Variants in LRCH1 observed in about 807,000 individuals in gnomAD.
LRCH1 encodes the protein leucine rich repeats and calponin homology domain containing 1, also known as leucine-rich repeat and calponin homology domain-containing protein 1.
LRCH1 carries 23 observed loss-of-function variants against 94.9 expected under a neutral mutation model. The observed-to-expected ratio is 0.24, with a 90% CI of 0.17 to 0.34. The LOEUF is 0.34. Among genes scored for constraint, LRCH1 ranks in the 10% least tolerant of loss-of-function variants. The pLI is 1.00. For missense variants in LRCH1, 790 were observed against 945.9 expected (o/e 0.84, Z 2.16); for synonymous variants, 364 against 354.9 (o/e 1.03, Z -0.29).
chr13:46,651,873 G>GTTT (rs1170289609), intron 2 of LRCH1, among the ~76,000 whole-genome samples: 1 of 118,676 alleles, frequency 8.4e-6, no homozygotes, highest in Non-Finnish European at 1.8e-5. Flanking sequence ...CTGATGTTTT[G>GTTT]TTTTTTTTGT....
chr13:46,588,779 A>G (rs1172434974), intron 1 of LRCH1, among the ~76,000 whole-genome samples: 1 of 151,358 alleles, frequency 6.6e-6, no homozygotes, highest in Admixed American at 6.6e-5. Flanking sequence ...TTTTTTGTAT[A>G]TTTAGTAGAG....
chr13:46,735,390 T>G (rs73470779), intron 19 of LRCH1, among the ~76,000 whole-genome samples: 21,186 of 152,266 alleles, frequency 0.14, 1,602 homozygotes, highest in African/African-American at 0.2. Context: ...TATTTGTGTC[T>G]GTGCTAGAAA....
chr13:46,566,630 A>G (rs2050187720), intron 1 of LRCH1, among the ~76,000 whole-genome samples: 1 of 152,230 alleles, frequency 6.6e-6, no homozygotes, highest in Non-Finnish European at 1.5e-5. Flanking sequence ...ATTGGAGCCC[A>G]AACAGTTGTT....
At chr13:46,678,604 A>C (rs188969218) in intron 3 of LRCH1, among the ~76,000 whole-genome samples, 51 of 152,332 alleles carry the variant, frequency 3.3e-4, no homozygotes, top group African/African-American at 1.2e-3. Flanking sequence ...TTGTCTACAG[A>C]TATCCTGTCC....
intron 1 of LRCH1, among the ~76,000 whole-genome samples, chr13:46,568,232 C>A (rs1173817758): frequency 1.3e-5 from 2 of 152,186 alleles, no homozygotes; most frequent in African/African-American, 4.8e-5. Context: ...CATCCTAAAT[C>A]CAGGTTTACC....
chr13:46,608,493 T>G (rs540860175), intron 1 of LRCH1, among the ~76,000 whole-genome samples: 120 of 152,322 alleles, frequency 7.9e-4, no homozygotes, highest in African/African-American at 2.8e-3. Context: ...TAGAGTGTCA[T>G]ACAGTCTTTT....
chr13:46,625,455 T>C (rs1414888454), intron 1 of LRCH1, among the ~76,000 whole-genome samples: 1 of 152,132 alleles, frequency 6.6e-6, no homozygotes, highest in East Asian at 1.9e-4. Flanking sequence ...GATGTCTTTA[T>C]AAAAGAGACC....
chr13:46,677,575 G>A (rs1381538130), intron 3 of LRCH1, among the ~76,000 whole-genome samples: 1 of 152,088 alleles, frequency 6.6e-6, no homozygotes, highest in Non-Finnish European at 1.5e-5. Context: ...AGTTAGCAAC[G>A]AGCACTTAGT....
intron 17 of LRCH1, among the ~76,000 whole-genome samples, chr13:46,727,022 A>G (rs537117311): frequency 3.3e-5 from 5 of 152,340 alleles, no homozygotes; most frequent in African/African-American, 1.2e-4. Context: ...GACAATCTGC[A>G]GATGACATCA....
intron 1 of LRCH1, among the ~76,000 whole-genome samples, chr13:46,638,634 A>G (rs2051121363): frequency 6.6e-6 from 1 of 152,248 alleles, no homozygotes. Context: ...GTCTTTAAAA[A>G]TATACTGATA....
intron 1 of LRCH1, among the ~76,000 whole-genome samples, chr13:46,585,450 G>T (rs1484317633): frequency 6.6e-6 from 1 of 150,870 alleles, no homozygotes; most frequent in Admixed American, 6.6e-5. Flanking sequence ...AGTGGTGGGC[G>T]CCTGTAGTCC....
intron 11 of LRCH1, among the ~76,000 whole-genome samples, chr13:46,703,523 A>G (rs757772143): frequency 2.6e-5 from 4 of 152,220 alleles, no homozygotes; most frequent in South Asian, 4.1e-4. Flanking sequence ...GTGAAATCTA[A>G]GAACTTATCC....
chr13:46,638,023 A>G (rs2051113119), intron 1 of LRCH1, among the ~76,000 whole-genome samples: 1 of 152,222 alleles, frequency 6.6e-6, no homozygotes, highest in Non-Finnish European at 1.5e-5. Flanking sequence ...TTTTATCCAA[A>G]AGAGAACAAA....
At chr13:46,678,421 A>G (rs1288343237) in intron 3 of LRCH1, among the ~76,000 whole-genome samples, 1 of 152,224 alleles carries the variant, frequency 6.6e-6, no homozygotes, top group Non-Finnish European at 1.5e-5. Flanking sequence ...TACAATATTG[A>G]TTACACAGTA....
chr13:46,581,761 C>T (rs2050368063), intron 1 of LRCH1, among the ~76,000 whole-genome samples: 1 of 152,208 alleles, frequency 6.6e-6, no homozygotes, highest in Non-Finnish European at 1.5e-5. Flanking sequence ...TGGCTTTGGC[C>T]TTCAGAATAT....
At chr13:46,697,049 A>G (rs905608461) in intron 9 of LRCH1, among the ~76,000 whole-genome samples, 1 of 152,158 alleles carries the variant, frequency 6.6e-6, no homozygotes. Context: ...GCCTGGGTGA[A>G]AGAGTGAGAC....
chr13:46,719,588 T>G (rs1373448295), intron 16 of LRCH1, among the ~76,000 whole-genome samples: 1 of 152,244 alleles, frequency 6.6e-6, no homozygotes, highest in Non-Finnish European at 1.5e-5. Context: ...ATTTGACCTA[T>G]ATCTGCAAGT....
downstream of LRCH1, among the ~76,000 whole-genome samples, chr13:46,745,526 G>A (rs1873875519): frequency 6.6e-6 from 1 of 152,030 alleles, no homozygotes; most frequent in Admixed American, 6.5e-5. Context: ...GCATATGTGT[G>A]TGTAGAGAAT....
chr13:46,741,086 A>G (rs889964589), intron 19 of LRCH1, among the ~76,000 whole-genome samples: 5 of 152,226 alleles, frequency 3.3e-5, no homozygotes, highest in African/African-American at 4.8e-5. Context: ...ATGTAGGGAC[A>G]TACTTAGAAC....
Sources: allele counts gnomAD v4.1 joint callset (sites outside exome capture counted in the v4.1 genomes callset), GRCh38; gene constraint gnomAD v4.1.1; transcripts MANE v1.5; gene names NCBI Gene and HGNC (gene_info 2026-07-23, HGNC 2026-07-21).